The following GOLPH3 variants were observed in gnomAD, a reference collection of about 807,000 sequenced individuals.
The protein encoded by GOLPH3 is coat protein GPP34.
In GOLPH3, 14 loss-of-function variants were observed where a neutral mutation model predicts 28.5. The ratio of observed to expected loss-of-function variants is 0.49; its 90% CI spans 0.32 to 0.77. GOLPH3 has a LOEUF of 0.77. Ranked by LOEUF, GOLPH3 falls within the 30% of genes least tolerant of loss-of-function variation. The pLI, the probability that GOLPH3 is intolerant of heterozygous loss-of-function variation, is 0.03. For missense variants in GOLPH3, 350 were observed against 393.7 expected (o/e 0.89, Z 0.94); for synonymous variants, 158 against 159.2 (o/e 0.99, Z 0.06).
At chr5:32,151,525 T>C (rs1037383243) in intron 1 of GOLPH3, among the ~76,000 whole-genome samples, 1 of 152,186 alleles carries the variant, frequency 6.6e-6, no homozygotes, top group Admixed American at 6.6e-5. Context: ...ATATATATTT[T>C]GAAATATTCA....
chr5:32,142,666 A>C (rs1244970855), intron 2 of GOLPH3, among the ~76,000 whole-genome samples: 34 of 117,536 alleles, frequency 2.9e-4, no homozygotes, highest in African/African-American at 1.1e-3. Context: ...TCAGCCCCCA[A>C]GCCCGGCCAG....
At chr5:32,167,461 C>G (rs1366187946) in intron 1 of GOLPH3, among the ~76,000 whole-genome samples, 1 of 152,002 alleles carries the variant, frequency 6.6e-6, no homozygotes, top group South Asian at 2.1e-4. Context: ...TGTGAGCCAC[C>G]GCACCCAGCC....
intron 1 of GOLPH3, among the ~76,000 whole-genome samples, chr5:32,158,411 C>T (rs1274565677): frequency 6.6e-6 from 1 of 152,074 alleles, no homozygotes; most frequent in Non-Finnish European, 1.5e-5. Flanking sequence ...ACAACTCCTG[C>T]CCTCCTAAAA....
intron 1 of GOLPH3, among the ~76,000 whole-genome samples, chr5:32,163,342 C>G (rs1237596648): frequency 6.6e-6 from 1 of 152,194 alleles, no homozygotes; most frequent in Non-Finnish European, 1.5e-5. Context: ...ATTCGCAAAT[C>G]TGTCTTCTAT....
chr5:32,139,774 A>C (rs1221626092), intron 2 of GOLPH3, among the ~76,000 whole-genome samples: 1 of 152,250 alleles, frequency 6.6e-6, no homozygotes, highest in African/African-American at 2.4e-5. Flanking sequence ...GAAGAGATCA[A>C]AAAGAGAAAA....
At chr5:32,168,296 A>G (rs764877098) in intron 1 of GOLPH3, among the ~76,000 whole-genome samples, 2 of 152,196 alleles carry the variant, frequency 1.3e-5, no homozygotes, top group Non-Finnish European at 2.9e-5. Flanking sequence ...CTTCATCACT[A>G]TTATACTTCA....
chr5:32,169,755 T>C (rs1302310145), intron 1 of GOLPH3, among the ~76,000 whole-genome samples: 1 of 152,174 alleles, frequency 6.6e-6, no homozygotes, highest in African/African-American at 2.4e-5. Flanking sequence ...ATTAAAGAAA[T>C]ACTGCTAATT....
chr5:32,142,172 C>T (rs1746082450), intron 2 of GOLPH3, among the ~76,000 whole-genome samples: 1 of 151,266 alleles, frequency 6.6e-6, no homozygotes, highest in Non-Finnish European at 1.5e-5. Context: ...CGCCTCTTCC[C>T]GGCCGCCATC....
At chr5:32,173,649 G>T (rs911107318) in intron 1 of GOLPH3, 161 bp downstream of exon 1, 25 of 436,058 alleles carry the variant, frequency 5.7e-5, no homozygotes, top group Non-Finnish European at 3.8e-6. Context: ...AACCAACTCC[G>T]ACACCGCTCG....
At chr5:32,139,314 G>A (rs1176613726) in intron 2 of GOLPH3, among the ~76,000 whole-genome samples, 1 of 152,114 alleles carries the variant, frequency 6.6e-6, no homozygotes, top group African/African-American at 2.4e-5. Context: ...GATGTGCATA[G>A]GTTATATGCA....
At chr5:32,144,651 C>G (rs1485875765) in intron 1 of GOLPH3, among the ~76,000 whole-genome samples, 1 of 152,180 alleles carries the variant, frequency 6.6e-6, no homozygotes, top group Admixed American at 6.5e-5. Context: ...CGCCCACAAA[C>G]AAATGGATGG....
At chr5:32,151,944 G>C (rs1373192201) in intron 1 of GOLPH3, among the ~76,000 whole-genome samples, 6 of 152,150 alleles carry the variant, frequency 3.9e-5, no homozygotes, top group Non-Finnish European at 8.8e-5. Context: ...GTGGTTCCCA[G>C]GGACTGTGGA....
chr5:32,126,022 CA>C lies in GOLPH3; in HGVS notation c.*189del. ...ATGGCAGTAAAACTTTTTTTAAAAA[CA>C]GAAAGAGGAAGGCCTCTCGTACCAG... On this transcript the variant is annotated 3_prime_UTR_variant, in exon 4 of 4. Transcript: ENST00000265070. 1.9e-6 allele frequency: 1 copy of C among 534,274 alleles called. No individual in the cohort carries two copies. The highest frequency in any genetic ancestry group is 3.2e-6 in the Non-Finnish European group (1 of 312,318). 33.1% of individuals were successfully genotyped at this position (534,274 alleles called of 1,614,324 possible).
chr5:32,166,989 A>G (rs1398797151), intron 1 of GOLPH3, among the ~76,000 whole-genome samples: 1 of 152,146 alleles, frequency 6.6e-6, no homozygotes, highest in Non-Finnish European at 1.5e-5. Context: ...TTGCAAAGAC[A>G]TAAAAAAGTG....
intron 1 of GOLPH3, among the ~76,000 whole-genome samples, chr5:32,152,781 CAAAAAAAAAACA>C (rs753502372): frequency 8.4e-6 from 1 of 118,360 alleles, no homozygotes; most frequent in Non-Finnish European, 1.8e-5. Flanking sequence ...GACTCAGTCT[CAAAAAAAAAACA>C]AAAACAAAAA....
At chr5:32,128,604 T>G (rs1745749908) in intron 3 of GOLPH3, among the ~76,000 whole-genome samples, 2 of 151,892 alleles carry the variant, frequency 1.3e-5, no homozygotes, top group Admixed American at 1.3e-4. Context: ...GAGGTTGCAG[T>G]GAGCCGAGAT....
At chr5:32,141,752 C>A (rs1746065760) in intron 2 of GOLPH3, among the ~76,000 whole-genome samples, 1 of 152,182 alleles carries the variant, frequency 6.6e-6, no homozygotes, top group Non-Finnish European at 1.5e-5. Flanking sequence ...CAGGCGCGCG[C>A]CGCCACGCCT....
intron 1 of GOLPH3, among the ~76,000 whole-genome samples, chr5:32,168,220 A>G (rs1375541008): frequency 6.6e-6 from 1 of 152,228 alleles, no homozygotes; most frequent in Non-Finnish European, 1.5e-5. Flanking sequence ...TACAGATTTG[A>G]TATGTAGAGA....
At chr5:32,139,426 TC>T (rs1746009000) in intron 2 of GOLPH3, among the ~76,000 whole-genome samples, 1 of 152,218 alleles carries the variant, frequency 6.6e-6, no homozygotes, top group Non-Finnish European at 1.5e-5. Flanking sequence ...ACAACTATAT[TC>T]TAGTCTGCCT....
Sources: allele counts gnomAD v4.1 joint callset (sites outside exome capture counted in the v4.1 genomes callset), GRCh38; gene constraint gnomAD v4.1.1; transcripts MANE v1.5; gene names NCBI Gene and HGNC (gene_info 2026-07-23, HGNC 2026-07-21).